The following TUFT1 variants were observed in gnomAD, a reference collection of about 807,000 sequenced individuals.
TUFT1 encodes tuftelin.
TUFT1 carries 43 observed loss-of-function variants against 57.8 expected under a neutral mutation model. The observed-to-expected ratio is 0.74, with a 90% confidence interval of 0.58 to 0.96. TUFT1 has a LOEUF of 0.96. Among genes scored for constraint, TUFT1 ranks in the 40% least tolerant of loss-of-function variants. The pLI is 0.00. For missense variants in TUFT1, 459 were observed against 489.0 expected (o/e 0.94, Z 0.58); for synonymous variants, 166 against 176.7 (o/e 0.94, Z 0.48).
At chr1:151,569,606 C>A in intron 6 of TUFT1, 51 bp from the exon 7 acceptor site, 1 of 1,518,458 alleles carries the variant, frequency 6.6e-7, no homozygotes, top group Non-Finnish European at 9.1e-7. Context: ...CCTTTTCTTA[C>A]TGAGTCAGAA....
intron 10 of TUFT1, 73 bp from the exon 11 acceptor site, chr1:151,579,576 G>C: frequency 3.3e-6 from 5 of 1,512,190 alleles, no homozygotes; most frequent in Non-Finnish European, 4.6e-6. Context: ...TTCCCCAGCA[G>C]CTGGGGTGAA....
chr1:151,568,877 G>C (rs1347003218), intron 6 of TUFT1, among the ~76,000 whole-genome samples: 1 of 152,164 alleles, frequency 6.6e-6, no homozygotes, highest in African/African-American at 2.4e-5. Flanking sequence ...TGTACTGACT[G>C]CCTCACAGAT....
intron 6 of TUFT1, among the ~76,000 whole-genome samples, chr1:151,567,062 G>A (rs1314217405): frequency 2.0e-5 from 3 of 151,898 alleles, no homozygotes; most frequent in African/African-American, 7.3e-5. Context: ...GGGACTATAG[G>A]GCACGCGCCA....
chr1:151,566,288 C>T, intron 6 of TUFT1, 60 bp downstream of exon 6: 5 of 1,393,310 alleles, frequency 3.6e-6, no homozygotes, highest in Non-Finnish European at 5.0e-6. Flanking sequence ...TGCCTCCTCC[C>T]CATCCTTTTG....
At chr1:151,554,743 G>T (rs184100473) in intron 1 of TUFT1, among the ~76,000 whole-genome samples, 1 of 107,828 alleles carries the variant, frequency 9.3e-6, no homozygotes, top group African/African-American at 3.7e-5. Context: ...TCACTCCGTT[G>T]CCCAGACTGG....
intron 1 of TUFT1, among the ~76,000 whole-genome samples, chr1:151,546,503 C>G (rs1295964464): frequency 6.6e-6 from 1 of 152,120 alleles, no homozygotes; most frequent in Non-Finnish European, 1.5e-5. Flanking sequence ...GAAATCCTGA[C>G]CCATTAGCAG....
At chr1:151,557,434 A>G (rs1276576417) in intron 1 of TUFT1, 6 of 1,156,696 alleles carry the variant, frequency 5.2e-6, no homozygotes, top group Non-Finnish European at 7.6e-6. Flanking sequence ...CCCGGCCCCT[A>G]CAGCCACCGA....
At chr1:151,574,763 G>A in intron 8 of TUFT1, 148 bp from the exon 9 acceptor site, 1 of 700,778 alleles carries the variant, frequency 1.4e-6, no homozygotes, top group Non-Finnish European at 2.4e-6. Context: ...TCAAGGGATG[G>A]CTCCCCATCA....
At chr1:151,542,449 C>G (rs1043766026) in intron 1 of TUFT1, among the ~76,000 whole-genome samples, 10 of 150,356 alleles carry the variant, frequency 6.7e-5, no homozygotes, top group Non-Finnish European at 1.2e-4. Context: ...CCAGGCTAGT[C>G]TCGAACTCCT....
chr1:151,564,016 G>A (rs772421161), intron 4 of TUFT1, 26 bp downstream of exon 4: 38 of 1,562,190 alleles, frequency 2.4e-5, no homozygotes, highest in Non-Finnish European at 3.0e-5. Flanking sequence ...CTCTCACGCA[G>A]TGCCTAGGTC....
intron 1 of TUFT1, chr1:151,561,465 GCGCGCGCGCACACACACACACA>G: frequency 2.9e-5 from 9 of 308,046 alleles, no homozygotes; most frequent in Non-Finnish European, 3.6e-5. Flanking sequence ...AGTCATGCGC[GCGCGCGCGCACACACACACACA>G]CACACACACA....
At chr1:151,558,299 A>G (rs1558006262) in intron 1 of TUFT1, among the ~76,000 whole-genome samples, 1 of 151,918 alleles carries the variant, frequency 6.6e-6, no homozygotes, top group East Asian at 1.9e-4. Context: ...CATTTGAAAA[A>G]TAGTATGCCA....
At chr1:151,557,873 C>T in intron 1 of TUFT1, 1 of 732,276 alleles carries the variant, frequency 1.4e-6, no homozygotes, top group Non-Finnish European at 2.5e-6. Context: ...GAGGCTGGGG[C>T]TGGGTCAGCA....
At position 151,574,257 on chromosome 1, in the gene TUFT1, C is replaced by T. The variant is rs1029400388; in HGVS notation, c.595-13C>T. 3 of 1,611,394 alleles carry T rather than the reference C, an allele frequency of 1.9e-6. No individual in the cohort carries two copies. The highest frequency in any genetic ancestry group is 1.6e-4 in the Middle Eastern group (1 of 6,062). ...TTCCACACCATTTAACATATTCCTG[C>T]TCCGTGTTTTAGGTCACACTCAGCC... On this transcript the variant is annotated splice_polypyrimidine_tract_variant and intron_variant, in intron 7 of 12. Transcript: ENST00000368849.
At chr1:151,556,660 C>T (rs1414089787) in intron 1 of TUFT1, among the ~76,000 whole-genome samples, 2 of 152,114 alleles carry the variant, frequency 1.3e-5, no homozygotes, top group African/African-American at 4.8e-5. Flanking sequence ...ATCCTCCCAC[C>T]TTGGCCTCCC....
rs374164451 is a variant in TUFT1 at position 151,563,986 on chromosome 1, A to C, written c.320A>C (p.Gln107Pro). The C allele has an allele frequency of 4.3e-6, 7 of 1,613,882 alleles. No individual in the cohort carries two copies. The highest frequency in any genetic ancestry group is 5.9e-6 in the Non-Finnish European group (7 of 1,179,832). Residue 107 changes from glutamine to proline, a missense_variant, in exon 4 of 13, where the codon CAG becomes CCG. Physicochemically the swap from Gln to Pro is moderately conservative, Grantham distance 76. Coordinates refer to ENST00000368849, the MANE Select transcript of TUFT1 (RefSeq NM_020127.3). ...NQLKSEVQYI[Q>P]EARNCLQKLR... ...CTGAAGAGTGAGGTCCAGTACATCC[A>C]GGAGGTGGGCACCCCTTACCTCTCA...
Position 151,560,798 on chromosome 1 carries a change from A to G in TUFT1, c.61-1293A>G, listed in dbSNP as rs191759056. ...TTTCCAGTGGGAACCAGAGATCCAT[A>G]GTGGCTAAGCCCCTCATTCACTTCC... On this transcript the variant is annotated intron_variant, in intron 1 of 12. Coordinates refer to ENST00000368849, the MANE Select transcript of TUFT1 (RefSeq NM_020127.3). 6.6e-4 allele frequency among the ~76,000 whole-genome samples: 101 copies of G among 152,340 alleles called. 1 individual carries two copies. The East Asian group carries it at 0.014, about 21-fold the overall frequency.
intron 1 of TUFT1, among the ~76,000 whole-genome samples, chr1:151,548,305 C>CTTTTTTT (rs11435666): frequency 7.7e-5 from 10 of 130,544 alleles, no homozygotes; most frequent in Non-Finnish European, 1.4e-4. Context: ...TTTTTCTTTT[C>CTTTTTTT]TTTTTTTTTT....
At chr1:151,578,639 T>C (rs1666553995) in intron 9 of TUFT1, 82 bp from the exon 10 acceptor site, 5 of 1,252,114 alleles carry the variant, frequency 4.0e-6, no homozygotes, top group Non-Finnish European at 5.6e-6. Context: ...AATGGGAACC[T>C]CCCAAGCTCA....
Sources: gnomAD v4.1 joint callset for allele counts (sites outside exome capture counted in the v4.1 genomes callset) on GRCh38, gnomAD v4.1.1 for gene constraint, MANE v1.5 for transcripts, NCBI Gene and HGNC (gene_info 2026-07-23, HGNC 2026-07-21) for gene names.